The following WNT3 variants were observed in gnomAD, a reference collection of about 807,000 sequenced individuals.
WNT3 encodes Wnt family member 3, also known as proto-oncogene Wnt-3.
A neutral mutation model predicts 34.2 loss-of-function variants in WNT3; 7 were observed. The ratio of observed to expected loss-of-function variants is 0.20; its 90% confidence interval spans 0.12 to 0.38. The LOEUF is 0.38. WNT3 is among the 10% of genes least tolerant of loss of function. WNT3 has a pLI of 1.00. For synonymous variants in WNT3, 212 were observed against 211.5 expected, an observed-to-expected ratio of 1.00 and a Z score of -0.02; for missense variants, 267 against 499.8, an observed-to-expected ratio of 0.53 and a Z score of 4.44.
intron 3 of WNT3, among the ~76,000 whole-genome samples, chr17:46,769,026 G>A (rs1474868274): frequency 6.6e-6 from 1 of 152,156 alleles, no homozygotes; most frequent in African/African-American, 2.4e-5. Context: ...TTCTCACAGC[G>A]CATGAAATAC....
At chr17:46,806,189 T>C (rs2084192260) in intron 1 of WNT3, among the ~76,000 whole-genome samples, 1 of 148,654 alleles carries the variant, frequency 6.7e-6, no homozygotes, top group Non-Finnish European at 1.5e-5. Flanking sequence ...TCTTTTTTTC[T>C]TTTTTCTTTT....
At chr17:46,815,700 C>T (rs2084332486) in intron 1 of WNT3, among the ~76,000 whole-genome samples, 1 of 152,298 alleles carries the variant, frequency 6.6e-6, no homozygotes, top group African/African-American at 2.4e-5. Flanking sequence ...GGGCCAGTGA[C>T]TCTAGTGCCT....
Position 46,786,108 on chromosome 17 carries a change from G to A in WNT3, c.81-12199C>T, listed in dbSNP as rs1479756425. ...CAGGAAAGTGAAGTTGATAAGCCTG[G>A]AAAAAGGGAGGAGGGTGCGAGAGAG... On this transcript the variant is annotated intron_variant, in intron 1 of 4. Transcript: ENST00000225512. Among the ~76,000 whole-genome samples the A allele has an allele frequency of 2.3e-5, 3 of 131,216 alleles. No individual in the cohort carries two copies. The East Asian group carries it at 7.0e-4, about 31-fold the overall frequency. 86.1% of individuals were successfully genotyped at this position (131,216 alleles called of 152,430 possible).
At chr17:46,816,085 A>G (rs2084338099) in intron 1 of WNT3, among the ~76,000 whole-genome samples, 1 of 146,676 alleles carries the variant, frequency 6.8e-6, no homozygotes, top group Non-Finnish European at 1.5e-5. Context: ...CTTTCCCCAC[A>G]CTGTCATGAA....
intron 1 of WNT3, among the ~76,000 whole-genome samples, chr17:46,810,424 C>G (rs1262818612): frequency 2.6e-5 from 4 of 152,172 alleles, no homozygotes; most frequent in African/African-American, 4.8e-5. Context: ...GGTCCTGATG[C>G]TCAATGGAGA....
chr17:46,815,787 C>G lies in WNT3; in HGVS notation c.80+2731G>C, dbSNP rs149334588. Among the ~76,000 whole-genome samples, 478 of 152,300 alleles carry G rather than the reference C, an allele frequency of 3.1e-3. 3 individuals are homozygous for G. Among genetic ancestry groups the G allele is most frequent in the African/African-American group, 0.011 (440 of 41,564 alleles). ...GCTTGCCATCCCTGGCCAGCTGTGC[C>G]CCCTGCAGCCACCTTGTGAGACTTT... On this transcript the variant is annotated intron_variant, in intron 1 of 4. Transcript: ENST00000225512.
intron 2 of WNT3, among the ~76,000 whole-genome samples, chr17:46,772,568 G>A (rs1321195071): frequency 1.3e-5 from 2 of 152,240 alleles, no homozygotes; most frequent in African/African-American, 4.8e-5. Flanking sequence ...CAATTAAGAG[G>A]CCAAATCTTT....
chr17:46,800,956 G>A (rs937312152), intron 1 of WNT3, among the ~76,000 whole-genome samples: 2 of 152,188 alleles, frequency 1.3e-5, no homozygotes, highest in Non-Finnish European at 2.9e-5. Context: ...ACAGAGGCAC[G>A]GAGAAGTGAG....
chr17:46,784,379 C>G (rs1250779870), intron 1 of WNT3, among the ~76,000 whole-genome samples: 1 of 152,082 alleles, frequency 6.6e-6, no homozygotes, highest in Non-Finnish European at 1.5e-5. Context: ...AAGAGAGGGA[C>G]GGAAGCTAGA....
chr17:46,782,300 G>A (rs2146403242), intron 1 of WNT3, among the ~76,000 whole-genome samples: 1 of 152,318 alleles, frequency 6.6e-6, no homozygotes, highest in East Asian at 1.9e-4. Context: ...GAGAGGAGGA[G>A]GGAAGGTGAG....
intron 1 of WNT3, among the ~76,000 whole-genome samples, chr17:46,775,189 A>G (rs1195221346): frequency 1.3e-5 from 2 of 152,148 alleles, no homozygotes; most frequent in African/African-American, 2.4e-5. Flanking sequence ...TATATACAAC[A>G]TTTCTGATCA....
chr17:46,768,030 C>T lies in WNT3; in HGVS notation c.*8+282G>A, dbSNP rs1598752778. Among the ~76,000 whole-genome samples the T allele has an allele frequency of 6.6e-6, 1 of 152,160 alleles. No homozygotes were observed. Among genetic ancestry groups the T allele is most frequent in the Non-Finnish European group, 1.5e-5 (1 of 68,038 alleles). ...CTCGAACTCCTGACCTCAGGTGATC[C>T]GTCCACCTCGGCCTCCCAAAGTGCT... On this transcript the variant is annotated intron_variant, in intron 4 of 4. Coordinates refer to ENST00000225512, the MANE Select transcript of WNT3 (RefSeq NM_030753.5). This position sits in a 1 kb window ranked among gnomAD's most constrained non-coding sequence, Gnocchi z 5.0.
At position 46,768,918 on chromosome 17, in the gene WNT3, A is replaced by T; in HGVS notation, c.589-119T>A. 2.1e-6 allele frequency: 3 copies of T among 1,455,546 alleles called. No individual in the cohort carries two copies. Among genetic ancestry groups the T allele is most frequent in the South Asian group, 2.6e-5 (2 of 75,510 alleles). 90.2% of individuals were successfully genotyped at this position (1,455,546 alleles called of 1,614,324 possible). On this transcript the variant is annotated intron_variant, in intron 3 of 4. Transcript: ENST00000225512. The surrounding 1 kb of genome is among the most constrained non-coding windows in gnomAD (Gnocchi z 5.0). ...CCAGCCTTCTCTACTCCTCTGTGACAGGAAGAGAACTGATGGGGACTGAGG... is the reference window on the plus strand; with the variant it reads ...CCAGCCTTCTCTACTCCTCTGTGACTGGAAGAGAACTGATGGGGACTGAGG...
rs73987038 is a variant in WNT3 at position 46,787,679 on chromosome 17, C to T, written c.81-13770G>A. Among the ~76,000 whole-genome samples, 757 of 152,296 alleles carry T rather than the reference C, an allele frequency of 5.0e-3. 6 individuals carry two copies. Among genetic ancestry groups the T allele is most frequent in the African/African-American group, 0.016 (683 of 41,582 alleles). The stretch of plus-strand genomic sequence containing the variant: ...TGTATGAGATGTAGCCTCGGCCGGG[C>T]GCGGTGGCTCACGCCTGTATTCCCG... On this transcript the variant is annotated intron_variant, in intron 1 of 4. Transcript: ENST00000225512.
chr17:46,765,344 C>A (rs2059303103), intron 4 of WNT3, among the ~76,000 whole-genome samples: 1 of 152,226 alleles, frequency 6.6e-6, no homozygotes, highest in African/African-American at 2.4e-5. Context: ...TCCAGCTCAC[C>A]ATGTTCACAA....
At chr17:46,803,292 C>T (rs990265457) in intron 1 of WNT3, among the ~76,000 whole-genome samples, 2 of 152,158 alleles carry the variant, frequency 1.3e-5, no homozygotes, top group Non-Finnish European at 2.9e-5. Flanking sequence ...CCAGCACTTT[C>T]GGAGGCCCAG....
chr17:46,788,347 T>C (rs892300175), intron 1 of WNT3, among the ~76,000 whole-genome samples: 6 of 152,216 alleles, frequency 3.9e-5, no homozygotes, highest in African/African-American at 1.4e-4. Flanking sequence ...GATTGGGAAA[T>C]GAGAACCTTA....
At chr17:46,783,228 A>G (rs1017821227) in intron 1 of WNT3, among the ~76,000 whole-genome samples, 2 of 152,114 alleles carry the variant, frequency 1.3e-5, no homozygotes, top group Admixed American at 1.3e-4. Context: ...TAAAACCATG[A>G]AGGAGCAGCT....
At chr17:46,799,739 C>A (rs1215018685) in intron 1 of WNT3, among the ~76,000 whole-genome samples, 3 of 152,180 alleles carry the variant, frequency 2.0e-5, no homozygotes, top group East Asian at 1.9e-4. Context: ...TGAGCCACTG[C>A]GCCTAGCCAG....
Sources: gnomAD v4.1 joint callset for allele counts (sites outside exome capture counted in the v4.1 genomes callset) on GRCh38, gnomAD v4.1.1 for gene constraint, Gnocchi (gnomAD v3.1) non-coding constraint, MANE v1.5 for transcripts, NCBI Gene and HGNC (gene_info 2026-07-23, HGNC 2026-07-21) for gene names.